GPR137B: variants seen among roughly 807,000 people sequenced by gnomAD.
The protein encoded by GPR137B is G protein-coupled receptor 137B.
GPR137B carries 42 observed loss-of-function variants against 42.5 expected under a neutral mutation model. The observed-to-expected ratio is 0.99, with a 90% CI of 0.77 to 1.28. GPR137B has a LOEUF of 1.28. Among genes scored for constraint, GPR137B ranks in the 50% most tolerant of loss-of-function variants. The pLI is 0.00. For missense variants in GPR137B, 487 were observed against 493.9 expected (o/e 0.99, Z 0.13); for synonymous variants, 218 against 209.7 (o/e 1.04, Z -0.34).
chr1:236,180,347 T>C (rs1662834253), intron 4 of GPR137B, among the ~76,000 whole-genome samples: 1 of 151,740 alleles, frequency 6.6e-6, no homozygotes, highest in African/African-American at 2.4e-5. Flanking sequence ...AGTCTGCAGA[T>C]GTGGAACCCG....
intron 5 of GPR137B, among the ~76,000 whole-genome samples, chr1:236,185,818 T>C (rs753667206): frequency 2.0e-5 from 3 of 152,128 alleles, no homozygotes; most frequent in Non-Finnish European, 4.4e-5. Flanking sequence ...TATAATTGAG[T>C]GGTTTGGGGG....
chr1:236,161,833 G>C (rs571564546), intron 1 of GPR137B, among the ~76,000 whole-genome samples: 3 of 152,124 alleles, frequency 2.0e-5, no homozygotes, highest in African/African-American at 4.8e-5. Context: ...CAGCCATGTG[G>C]AATTGTTAAG....
chr1:236,175,175 CAG>C (rs1188440999), intron 2 of GPR137B, among the ~76,000 whole-genome samples: 1 of 152,212 alleles, frequency 6.6e-6, no homozygotes, highest in South Asian at 2.1e-4. Flanking sequence ...CTGGGTGACA[CAG>C]GGAGATGCTG....
intron 1 of GPR137B, among the ~76,000 whole-genome samples, chr1:236,168,288 G>T (rs961211741): frequency 6.6e-6 from 1 of 152,032 alleles, no homozygotes; most frequent in Non-Finnish European, 1.5e-5. Context: ...TTAACTGGGT[G>T]TGGTGACACC....
In GPR137B at chr1:236,208,246, TAAGA is replaced by T; in HGVS notation, c.*91_*94del. ...GCTGAATTTTTAGGGCACTTTTCCT[TAAGA>T]AATAGAACTTGATTTTTATTTGTTA... is the stretch of plus-strand genomic sequence containing the variant. On this transcript the variant is annotated 3_prime_UTR_variant, in exon 7 of 7. Transcript: ENST00000366592. 2 of 1,538,470 alleles carry T rather than the reference TAAGA, an allele frequency of 1.3e-6. No homozygotes were observed. The highest frequency in any genetic ancestry group is 1.4e-5 in the African/African-American group (1 of 71,402).
intron 1 of GPR137B, among the ~76,000 whole-genome samples, chr1:236,151,107 G>A (rs1250243110): frequency 1.3e-5 from 2 of 152,224 alleles, no homozygotes; most frequent in Non-Finnish European, 2.9e-5. Flanking sequence ...CCAGTGAGAA[G>A]AAGAAAGCTG....
At chr1:236,159,623 AAAAAG>A (rs767707207) in intron 1 of GPR137B, among the ~76,000 whole-genome samples, 26 of 152,196 alleles carry the variant, frequency 1.7e-4, no homozygotes, top group Non-Finnish European at 2.9e-4. Flanking sequence ...CAGGAAAAAA[AAAAAG>A]AAAAGAAAAA....
chr1:236,143,633 C>A (rs1365506515), intron 1 of GPR137B, among the ~76,000 whole-genome samples: 1 of 152,180 alleles, frequency 6.6e-6, no homozygotes, highest in Non-Finnish European at 1.5e-5. Context: ...GGGTAACACC[C>A]AGCTCCGAGC....
At chr1:236,183,664 G>A (rs1662944081) in intron 4 of GPR137B, 114 bp from the exon 5 acceptor site, 3 of 642,920 alleles carry the variant, frequency 4.7e-6, no homozygotes, top group Middle Eastern at 3.0e-4. Flanking sequence ...TAAAATATAG[G>A]GGAATGAATT....
At chr1:236,180,085 G>A (rs1296624939) in intron 4 of GPR137B, 57 bp downstream of exon 4, 3 of 1,485,428 alleles carry the variant, frequency 2.0e-6, no homozygotes, top group Non-Finnish European at 2.8e-6. Flanking sequence ...TATCCTCGAG[G>A]CATTGGTTCC....
At position 236,168,040 on chromosome 1, in the gene GPR137B, C is replaced by T. The variant is rs139857794; in HGVS notation, c.415-666C>T. Reference sequence around the variant, plus strand: ...AAGATGTTTTGTTATTTTAAATGTACTGCAAAGTTTGAGGCCTGGGTAGGC... The same window carrying T: ...AAGATGTTTTGTTATTTTAAATGTATTGCAAAGTTTGAGGCCTGGGTAGGC... On this transcript the variant is annotated intron_variant, in intron 1 of 6. Transcript: ENST00000366592. 2.9e-3 allele frequency among the ~76,000 whole-genome samples: 439 copies of T among 152,308 alleles called. 3 individuals carry two copies. The highest frequency in any genetic ancestry group is 5.1e-3 in the Non-Finnish European group (346 of 68,030).
In GPR137B at chr1:236,208,554, T is replaced by G; in HGVS notation, c.*396T>G. 1.0e-6 allele frequency: 1 copy of G among 954,934 alleles called. No homozygotes were observed. The highest frequency in any genetic ancestry group is 1.2e-6 in the Non-Finnish European group (1 of 800,448). 59.2% of individuals were successfully genotyped at this position (954,934 alleles called of 1,614,324 possible). On this transcript the variant is annotated 3_prime_UTR_variant, in exon 7 of 7. Coordinates refer to ENST00000366592, the MANE Select transcript of GPR137B (RefSeq NM_003272.4). ...AATATAGAATATATGGTCTAATAGTTTTTTAAAGCTTTTGGACTAAAGTAT... is the reference window on the plus strand; with the variant it reads ...AATATAGAATATATGGTCTAATAGTGTTTTAAAGCTTTTGGACTAAAGTAT...
At chr1:236,183,696 T>C in intron 4 of GPR137B, 82 bp from the exon 5 acceptor site, 1 of 965,834 alleles carries the variant, frequency 1.0e-6, no homozygotes, top group Non-Finnish European at 1.6e-6. Context: ...TTAGAATTAT[T>C]CTCTGTTCAC....
At chr1:236,186,278 A>AT in intron 5 of GPR137B, among the ~76,000 whole-genome samples, 1 of 28,042 alleles carries the variant, frequency 3.6e-5, no homozygotes, top group African/African-American at 8.4e-5. Flanking sequence ...ATTATATATA[A>AT]TAATATAAAT....
At chr1:236,180,068 C>T in intron 4 of GPR137B, 40 bp downstream of exon 4, 1 of 1,557,476 alleles carries the variant, frequency 6.4e-7, no homozygotes, top group Non-Finnish European at 8.9e-7. Context: ...TGACCAGGGA[C>T]TCTTGGTATC....
intron 1 of GPR137B, among the ~76,000 whole-genome samples, chr1:236,166,243 A>G (rs1046129011): frequency 2.6e-5 from 4 of 151,986 alleles, no homozygotes; most frequent in Non-Finnish European, 4.4e-5. Context: ...TTGTAATGGA[A>G]CTTTGGAGTC....
intron 1 of GPR137B, among the ~76,000 whole-genome samples, chr1:236,163,638 G>A (rs938566559): frequency 6.6e-6 from 1 of 152,116 alleles, no homozygotes; most frequent in Non-Finnish European, 1.5e-5. Flanking sequence ...GATCTGATGG[G>A]TTTATCAGGG....
Position 236,176,810 on chromosome 1 carries a change from G to A in GPR137B, c.465-1604G>A, listed in dbSNP as rs577207339. ...CCCTGCCACCTACAGTGTGGATGGA[G>A]AGAGTGGAAATGGAGAGTCTCATTT... On this transcript the variant is annotated intron_variant, in intron 2 of 6. Transcript: ENST00000366592. Among the ~76,000 whole-genome samples the A allele has an allele frequency of 3.3e-5, 5 of 152,284 alleles. No homozygotes were observed. The South Asian group carries it at 1.0e-3, about 32-fold the overall frequency.
At position 236,150,380 on chromosome 1, in the gene GPR137B, C is replaced by T. The variant is rs914790506; in HGVS notation, c.414+7344C>T. Reference sequence around the variant, plus strand: ...AGGTTTCCTTATTTTCTTGGTCTGCCGTTCACCCCCAGCACCTCCCGCAGG... The same window carrying T: ...AGGTTTCCTTATTTTCTTGGTCTGCTGTTCACCCCCAGCACCTCCCGCAGG... On this transcript the variant is annotated intron_variant, in intron 1 of 6. Coordinates refer to ENST00000366592, the MANE Select transcript of GPR137B (RefSeq NM_003272.4). This position sits in a 1 kb window ranked among gnomAD's most constrained non-coding sequence, Gnocchi z 6.2. Among the ~76,000 whole-genome samples, 3 of 152,106 alleles carry T rather than the reference C, an allele frequency of 2.0e-5. No individual in the cohort carries two copies. Among genetic ancestry groups the T allele is most frequent in the African/African-American group, 7.2e-5 (3 of 41,486 alleles).
Sources: allele counts gnomAD v4.1 joint callset (sites outside exome capture counted in the v4.1 genomes callset), GRCh38; gene constraint gnomAD v4.1.1; non-coding constraint Gnocchi (gnomAD v3.1); transcripts MANE v1.5; gene names NCBI Gene and HGNC (gene_info 2026-07-23, HGNC 2026-07-21).